Variants in PPFIA2 observed in about 807,000 individuals in gnomAD.
PPFIA2 encodes PPFI scaffold protein A2.
Under a neutral mutation model 175.5 loss-of-function variants are expected in PPFIA2, and 46 were observed. The observed-to-expected ratio is 0.26, with a 90% CI of 0.21 to 0.34. PPFIA2 has a LOEUF of 0.34. Ranked by LOEUF, PPFIA2 falls within the 10% of genes least tolerant of loss-of-function variation. The pLI, the probability that PPFIA2 is intolerant of heterozygous loss-of-function variation, is 1.00. For synonymous variants in PPFIA2, 568 were observed against 511.4 expected (o/e 1.11, Z -1.49); for missense variants, 1,179 against 1,506.1 (o/e 0.78, Z 3.60).
chr12:81,510,658 C>T (rs1316926438), intron 4 of PPFIA2, among the ~76,000 whole-genome samples: 1 of 151,964 alleles, frequency 6.6e-6, no homozygotes, highest in Admixed American at 6.6e-5. Flanking sequence ...CAGATGATAA[C>T]CCTGAGTTAA....
chr12:81,445,716 A>C lies in PPFIA2; in HGVS notation c.410T>G (p.Leu137Ter). The C allele has an allele frequency of 6.2e-7, 1 of 1,612,438 alleles. No individual in the cohort carries two copies. Among genetic ancestry groups the C allele is most frequent in the Non-Finnish European group, 8.5e-7 (1 of 1,178,994 alleles). ...LKAERNNTRL[L>*]LEHLECLVSR... ...CACAAGGCACTCCAAATGCTCCAGTAATAGCTATTGGGTTTAACAGAAAAT... is the reference window on the plus strand; with the variant it reads ...CACAAGGCACTCCAAATGCTCCAGTCATAGCTATTGGGTTTAACAGAAAAT... The change falls in exon 6 of 33, where the codon TTA becomes TGA. Residue 137 changes from leucine (L) to a stop codon, truncating the protein, a stop_gained. Coordinates refer to ENST00000549396, the MANE Select transcript of PPFIA2 (RefSeq NM_003625.5). LOFTEE classifies it high-confidence loss of function.
Position 81,339,301 on chromosome 12 carries a change from G to A in PPFIA2, c.2427C>T (p.Leu809=), listed in dbSNP as rs754589866. 13 of 1,605,242 alleles carry A rather than the reference G, an allele frequency of 8.1e-6. No homozygotes were observed. In the East Asian group the frequency reaches 1.1e-4, roughly 14 times the overall value. ...GGCTGCTGTTGGCACTACCAAGCCC[G>A]AGGCTTTCTGGCTCAAGAGAGACAG... ...SLSVSLEPES[L]GLGSANSSQD... The change falls in exon 21 of 33, where the codon CTC becomes CTT. Residue 809 remains leucine (L), a synonymous_variant. Coordinates refer to ENST00000549396, the MANE Select transcript of PPFIA2 (RefSeq NM_003625.5).
chr12:81,261,819 G>T, intron 32 of PPFIA2, 130 bp downstream of exon 32: 1 of 587,036 alleles, frequency 1.7e-6, no homozygotes. Flanking sequence ...TTCCCCTGAA[G>T]CAATTCAAAA....
chr12:81,736,800 A>C (rs1208948442), intron 3 of PPFIA2, among the ~76,000 whole-genome samples: 1 of 151,982 alleles, frequency 6.6e-6, no homozygotes, highest in East Asian at 1.9e-4. Context: ...GTTGGAGTGC[A>C]GTGGTGTGAT....
At chr12:81,284,618 A>C (rs781570016) in intron 24 of PPFIA2, among the ~76,000 whole-genome samples, 7 of 152,226 alleles carry the variant, frequency 4.6e-5, no homozygotes, top group Non-Finnish European at 8.8e-5. Flanking sequence ...CTATCAGATC[A>C]ATTTTTGTAA....
At chr12:81,397,544 G>T (rs1356753440) in intron 8 of PPFIA2, among the ~76,000 whole-genome samples, 1 of 152,104 alleles carries the variant, frequency 6.6e-6, no homozygotes, top group Non-Finnish European at 1.5e-5. Flanking sequence ...ATTTAGTGAT[G>T]ACTGTAGCAG....
intron 21 of PPFIA2, among the ~76,000 whole-genome samples, chr12:81,327,468 T>C (rs2055050577): frequency 6.6e-6 from 1 of 152,116 alleles, no homozygotes; most frequent in Non-Finnish European, 1.5e-5. Flanking sequence ...TATATTTGCC[T>C]TACTGTATAT....
intron 4 of PPFIA2, among the ~76,000 whole-genome samples, chr12:81,508,510 A>G (rs2061422324): frequency 7.0e-6 from 1 of 143,412 alleles, no homozygotes; most frequent in Non-Finnish European, 1.5e-5. Flanking sequence ...AACAAGAGCA[A>G]AATTCCACCT....
chr12:81,646,729 A>G (rs550173121), intron 4 of PPFIA2, among the ~76,000 whole-genome samples: 27 of 152,304 alleles, frequency 1.8e-4, no homozygotes, highest in Middle Eastern at 3.4e-3. Flanking sequence ...AAGCTCAACT[A>G]CTTTCTGCTA....
chr12:81,407,673 T>G (rs2043188021), intron 7 of PPFIA2, among the ~76,000 whole-genome samples: 1 of 152,134 alleles, frequency 6.6e-6, no homozygotes, highest in Non-Finnish European at 1.5e-5. Flanking sequence ...CATATCTGTC[T>G]CTTTCTTACA....
At chr12:81,636,196 T>C (rs1403159432) in intron 4 of PPFIA2, among the ~76,000 whole-genome samples, 1 of 152,136 alleles carries the variant, frequency 6.6e-6, no homozygotes, top group Non-Finnish European at 1.5e-5. Context: ...CTCTAGACAT[T>C]AATCTCTATT....
chr12:81,314,540 A>T (rs2051834095), intron 22 of PPFIA2, among the ~76,000 whole-genome samples: 1 of 151,934 alleles, frequency 6.6e-6, no homozygotes, highest in African/African-American at 2.4e-5. Context: ...TGCCAACATC[A>T]GCATATATTC....
rs1195709528 is a variant in PPFIA2, at chr12:81,373,742, A to G, written c.1266+892T>C. Among the ~76,000 whole-genome samples, 19 of 152,010 alleles carry G rather than the reference A, an allele frequency of 1.2e-4. 1 individual carries two copies. Among genetic ancestry groups the G allele is most frequent in the Non-Finnish European group, 1.5e-4 (10 of 67,966 alleles). On this transcript the variant is annotated intron_variant, in intron 11 of 32. Coordinates refer to ENST00000549396, the MANE Select transcript of PPFIA2 (RefSeq NM_003625.5). ...AAAATCAGATGTGTGTGTCTACTTCATTGCTGCATCAATTATTTTGGGTAA... is the reference window on the plus strand; with the variant it reads ...AAAATCAGATGTGTGTGTCTACTTCGTTGCTGCATCAATTATTTTGGGTAA...
chr12:81,353,245 A>G lies in PPFIA2; in HGVS notation c.1868T>C (p.Ile623Thr). 1.2e-6 allele frequency: 2 copies of G among 1,613,778 alleles called. No individual in the cohort carries two copies. The highest frequency in any genetic ancestry group is 1.7e-5 in the Admixed American group (1 of 59,986). The change falls in exon 17 of 33, where the codon ATT becomes ACT. Residue 623 changes from isoleucine to threonine, a missense_variant. This residue lies in a region of PPFIA2 where 186 missense variants were observed against 163.6 expected (regional missense o/e 1.14). Transcript: ENST00000549396. The stretch of plus-strand genomic sequence containing the variant: ...AATTGTTTCTCTGTCATCATCATCA[A>G]TATCAGACATTTCAGTGTCACTTTC... ...PFESDTEMSD[I>T]DDDDRETIFS...
At chr12:81,725,802 A>G (rs974490679) in intron 3 of PPFIA2, among the ~76,000 whole-genome samples, 1 of 150,910 alleles carries the variant, frequency 6.6e-6, no homozygotes, top group Non-Finnish European at 1.5e-5. Context: ...GCATAAAGTA[A>G]AAAAGAAAAA....
intron 8 of PPFIA2, among the ~76,000 whole-genome samples, chr12:81,392,056 T>C (rs1165197637): frequency 2.0e-5 from 3 of 151,866 alleles, no homozygotes; most frequent in Admixed American, 2.0e-4. Flanking sequence ...TTCGATGGAT[T>C]CCTCAGTCCT....
At chr12:81,725,028 G>A (rs1177476683) in intron 3 of PPFIA2, among the ~76,000 whole-genome samples, 1 of 150,858 alleles carries the variant, frequency 6.6e-6, no homozygotes, top group Non-Finnish European at 1.5e-5. Context: ...ATTCTAACCG[G>A]TTTAAGGTGG....
At chr12:81,530,792 G>T (rs983658642) in intron 4 of PPFIA2, among the ~76,000 whole-genome samples, 2 of 151,028 alleles carry the variant, frequency 1.3e-5, no homozygotes, top group Non-Finnish European at 3.0e-5. Flanking sequence ...TGTTTAAAAA[G>T]AAATCTCTAC....
intron 5 of PPFIA2, among the ~76,000 whole-genome samples, chr12:81,456,849 T>C (rs1450554671): frequency 6.6e-6 from 1 of 152,088 alleles, no homozygotes; most frequent in Non-Finnish European, 1.5e-5. Flanking sequence ...AAAAGTAGAA[T>C]CTAGCAAATT....
Sources: allele counts gnomAD v4.1 joint callset (sites outside exome capture counted in the v4.1 genomes callset), GRCh38; gene constraint gnomAD v4.1.1; regional missense constraint gnomAD v4.1.1; transcripts MANE v1.5; gene names NCBI Gene and HGNC (gene_info 2026-07-23, HGNC 2026-07-21).